CAST: variants seen among roughly 807,000 people sequenced by gnomAD.
The protein encoded by CAST is calpastatin, also known as MIR583 host.
In CAST, 76 loss-of-function variants were observed where a neutral mutation model predicts 119.6. The observed-to-expected ratio is 0.64, with a 90% CI of 0.53 to 0.77. The LOEUF (loss-of-function observed/expected upper bound fraction) is 0.77. Ranked by LOEUF, CAST falls within the 30% of genes least tolerant of loss-of-function variation. The probability of loss-of-function intolerance (pLI) is 0.00; values close to 1 mark genes in which losing one functional copy is unlikely to be tolerated. For synonymous variants in CAST, 319 were observed against 331.6 expected (o/e 0.96, Z 0.41); for missense variants, 953 against 946.5 (o/e 1.01, Z -0.09).
At chr5:96,020,326 G>A in the CAST span, among the ~76,000 whole-genome samples, 1 of 152,194 alleles carries the variant, frequency 6.6e-6, no homozygotes, top group African/African-American at 2.4e-5. Context: ...TAAAAAATAA[G>A]CAGCAGATTT....
In CAST at chr5:96,614,796, A is replaced by G. The variant is rs192057822; in HGVS notation, c.61-60743A>G. 1.4e-4 allele frequency among the ~76,000 whole-genome samples: 22 copies of G among 152,272 alleles called. No homozygotes were observed. In the East Asian group the frequency reaches 3.7e-3, roughly 25 times the overall value. On this transcript the variant is annotated intron_variant, in intron 1 of 11. Transcript: ENST00000505143. Reference sequence around the variant, plus strand: ...AGTTGAATTATGAAAAGGATCCATCATCTTGTACTGCTCCCACCCTAAGCT... The same window carrying G: ...AGTTGAATTATGAAAAGGATCCATCGTCTTGTACTGCTCCCACCCTAAGCT...
chr5:96,347,072 G>A, the CAST span, among the ~76,000 whole-genome samples: 1 of 152,098 alleles, frequency 6.6e-6, no homozygotes, highest in Non-Finnish European at 1.5e-5. Flanking sequence ...GCATTGGTGG[G>A]AGGGAGACCC....
the CAST span, among the ~76,000 whole-genome samples, chr5:96,249,952 A>G: frequency 2.0e-5 from 3 of 152,284 alleles, no homozygotes; most frequent in South Asian, 4.1e-4. Context: ...TATTGGAAAG[A>G]TATCTTAGGT....
At chr5:96,511,710 A>G in the CAST span, among the ~76,000 whole-genome samples, 1 of 152,194 alleles carries the variant, frequency 6.6e-6, no homozygotes, top group Admixed American at 6.5e-5. Context: ...TCTGTTGGAG[A>G]TAGTAGCTCA....
At chr5:96,446,547 G>C in the CAST span, among the ~76,000 whole-genome samples, 1 of 152,198 alleles carries the variant, frequency 6.6e-6, no homozygotes, top group African/African-American at 2.4e-5. Context: ...AGAGGATGCA[G>C]GGTTTTAAAC....
intron 1 of CAST, among the ~76,000 whole-genome samples, chr5:96,531,624 T>C (rs1454911862): frequency 3.3e-5 from 5 of 152,096 alleles, no homozygotes; most frequent in African/African-American, 1.2e-4. Context: ...CAATTTAAGA[T>C]CACAAGATTT....
chr5:96,347,660 C>T, the CAST span, among the ~76,000 whole-genome samples: 5 of 152,128 alleles, frequency 3.3e-5, no homozygotes, highest in South Asian at 4.1e-4. Context: ...GGTACCTCCA[C>T]CTCATTTAAT....
chr5:96,169,917 T>G, the CAST span, among the ~76,000 whole-genome samples: 148 of 152,254 alleles, frequency 9.7e-4, no homozygotes, highest in African/African-American at 3.3e-3. Context: ...AAGAGTATTG[T>G]CTAAGTTGGC....
At chr5:96,358,340 C>T in the CAST span, among the ~76,000 whole-genome samples, 1 of 152,086 alleles carries the variant, frequency 6.6e-6, no homozygotes, top group Non-Finnish European at 1.5e-5. Context: ...TTTAGTTCTG[C>T]TCTGATCTTA....
the CAST span, among the ~76,000 whole-genome samples, chr5:96,168,971 C>T: frequency 1.3e-5 from 2 of 152,098 alleles, no homozygotes; most frequent in African/African-American, 2.4e-5. Flanking sequence ...CAGCAGCCAC[C>T]ACACGCAGAC....
chr5:96,718,738 G>T (rs1468568654), intron 3 of CAST, among the ~76,000 whole-genome samples: 1 of 152,182 alleles, frequency 6.6e-6, no homozygotes, highest in East Asian at 1.9e-4. Context: ...CATGCACGCA[G>T]CCCAGTGTTC....
At chr5:96,394,114 C>A in the CAST span, among the ~76,000 whole-genome samples, 1 of 152,224 alleles carries the variant, frequency 6.6e-6, no homozygotes, top group Non-Finnish European at 1.5e-5. Context: ...TACTTTGCCT[C>A]TGTATCTTCC....
At chr5:96,610,704 A>G (rs566034008) in intron 1 of CAST, among the ~76,000 whole-genome samples, 1 of 152,338 alleles carries the variant, frequency 6.6e-6, no homozygotes, top group South Asian at 2.1e-4. Context: ...AAAGGCACCC[A>G]AATAGTAAAA....
chr5:96,228,611 G>A, the CAST span, among the ~76,000 whole-genome samples: 1 of 152,138 alleles, frequency 6.6e-6, no homozygotes, highest in Admixed American at 6.5e-5. Flanking sequence ...TTTATAGCCT[G>A]TCTTTGCGTG....
chr5:95,969,464 A>G, the CAST span, among the ~76,000 whole-genome samples: 2 of 152,192 alleles, frequency 1.3e-5, no homozygotes, highest in African/African-American at 4.8e-5. Flanking sequence ...CAATGATCAG[A>G]GGAGGCTCTG....
At chr5:96,650,903 A>G (rs1748086599) in intron 1 of CAST, among the ~76,000 whole-genome samples, 4 of 152,156 alleles carry the variant, frequency 2.6e-5, no homozygotes, top group Non-Finnish European at 5.9e-5. Flanking sequence ...AGTGCAAAAT[A>G]GATATTTAGA....
intron 11 of CAST, 63 bp downstream of exon 11, chr5:96,738,010 G>T: frequency 1.1e-6 from 1 of 932,120 alleles, no homozygotes; most frequent in Non-Finnish European, 1.7e-6. Context: ...ATAAGGCCAT[G>T]GTCATGAAGT....
chr5:96,360,705 C>T, the CAST span, among the ~76,000 whole-genome samples: 1 of 152,218 alleles, frequency 6.6e-6, no homozygotes, highest in African/African-American at 2.4e-5. Context: ...CCTCTGGAAG[C>T]TTCATCCCAG....
At chr5:96,074,318 T>C in the CAST span, among the ~76,000 whole-genome samples, 1 of 152,190 alleles carries the variant, frequency 6.6e-6, no homozygotes, top group African/African-American at 2.4e-5. Flanking sequence ...TGTGGTGGTA[T>C]TTGGAGTTAG....
Sources: gnomAD v4.1 joint callset for allele counts (sites outside exome capture counted in the v4.1 genomes callset) on GRCh38, gnomAD v4.1.1 for gene constraint, MANE v1.5 for transcripts, NCBI Gene and HGNC (gene_info 2026-07-23, HGNC 2026-07-21) for gene names.